The following GPC5 variants were observed in gnomAD, a reference collection of about 807,000 sequenced individuals.
GPC5 encodes the protein glypican-5.
Under a neutral mutation model 53.9 loss-of-function variants are expected in GPC5, and 47 were observed. That is an observed-to-expected ratio of 0.87 (90% CI 0.69 to 1.11). The LOEUF (loss-of-function observed/expected upper bound fraction) is 1.11, where lower values mean the gene tolerates loss of function less well. GPC5 is among the 50% of genes most tolerant of loss of function. The pLI is 0.00. For synonymous variants in GPC5, 286 were observed against 263.3 expected (o/e 1.09, Z -0.84); for missense variants, 748 against 713.1 (o/e 1.05, Z -0.56).
chr13:92,724,875 T>C (rs200372372), intron 7 of GPC5, among the ~76,000 whole-genome samples: 31 of 137,724 alleles, frequency 2.3e-4, no homozygotes, highest in African/African-American at 4.1e-4. Context: ...GTCCTACACA[T>C]ACACACACAC....
intron 6 of GPC5, among the ~76,000 whole-genome samples, chr13:91,926,324 G>C (rs2039767064): frequency 7.1e-6 from 1 of 141,822 alleles, no homozygotes; most frequent in African/African-American, 2.7e-5. Flanking sequence ...TCGCACCACT[G>C]TACTCCAGGC....
chr13:91,940,057 C>G (rs999983336), intron 6 of GPC5, among the ~76,000 whole-genome samples: 10 of 152,084 alleles, frequency 6.6e-5, no homozygotes, highest in African/African-American at 2.2e-4. Flanking sequence ...TCTCAACTCC[C>G]CTATTCTATT....
intron 5 of GPC5, among the ~76,000 whole-genome samples, chr13:91,869,250 G>C (rs1377629954): frequency 6.6e-6 from 1 of 151,968 alleles, no homozygotes; most frequent in African/African-American, 2.4e-5. Context: ...TACTAGAGAT[G>C]GGATTTCACC....
chr13:91,572,070 TACACAC>T (rs1213147909), intron 2 of GPC5, among the ~76,000 whole-genome samples: 1 of 144,288 alleles, frequency 6.9e-6, no homozygotes, highest in African/African-American at 2.6e-5. Context: ...TACATGTATA[TACACAC>T]ATATGTATAT....
At chr13:91,576,748 G>A (rs894998863) in intron 2 of GPC5, among the ~76,000 whole-genome samples, 2 of 152,156 alleles carry the variant, frequency 1.3e-5, no homozygotes, top group Admixed American at 6.6e-5. Flanking sequence ...ATATGGCTAA[G>A]TCAGAATATC....
chr13:92,525,437 A>AGTGTGTGTGTGTGTGTGTGTGT (rs34946580), intron 7 of GPC5, among the ~76,000 whole-genome samples: 114 of 136,672 alleles, frequency 8.3e-4, no homozygotes, highest in Non-Finnish European at 1.3e-3. Flanking sequence ...GATAGATTCA[A>AGTGTGTGTGTGTGTGTGTGTGT]GTGTGTGTGT....
chr13:92,605,796 C>T (rs987916323), intron 7 of GPC5, among the ~76,000 whole-genome samples: 73 of 148,730 alleles, frequency 4.9e-4, no homozygotes, highest in African/African-American at 1.7e-3. Context: ...GTTAGGACAC[C>T]AAGGGAAAAA....
chr13:92,437,491 A>G (rs1877356581), intron 7 of GPC5, among the ~76,000 whole-genome samples: 1 of 152,196 alleles, frequency 6.6e-6, no homozygotes, highest in African/African-American at 2.4e-5. Flanking sequence ...TACCTTAAGA[A>G]GAAAAAAATA....
chr13:92,811,558 C>T (rs1439895611), intron 7 of GPC5, among the ~76,000 whole-genome samples: 5 of 152,000 alleles, frequency 3.3e-5, no homozygotes, highest in Non-Finnish European at 7.4e-5. Context: ...TTTTCTTCCA[C>T]TCCATAGGTT....
At chr13:92,482,296 C>T (rs1427653890) in intron 7 of GPC5, among the ~76,000 whole-genome samples, 1 of 152,200 alleles carries the variant, frequency 6.6e-6, no homozygotes, top group Admixed American at 6.5e-5. Flanking sequence ...CTAACAACAT[C>T]TCTCTTTTGA....
chr13:91,844,891 A>G (rs1566299611), intron 5 of GPC5, among the ~76,000 whole-genome samples: 1 of 152,084 alleles, frequency 6.6e-6, no homozygotes, highest in Non-Finnish European at 1.5e-5. Context: ...ATGCCCAGCT[A>G]ATTTTGCTGT....
intron 7 of GPC5, among the ~76,000 whole-genome samples, chr13:92,665,165 T>TA (rs1172258410): frequency 6.6e-6 from 1 of 152,182 alleles, no homozygotes; most frequent in East Asian, 1.9e-4. Flanking sequence ...TCTTCTCATT[T>TA]ATTTTTTTCC....
chr13:92,752,271 A>T (rs190039945), intron 7 of GPC5, among the ~76,000 whole-genome samples: 2 of 152,268 alleles, frequency 1.3e-5, no homozygotes, highest in East Asian at 3.9e-4. Context: ...CAGTTTTGTG[A>T]CAATCCAAAG....
rs149380069 is a variant in GPC5 at position 92,556,989 on chromosome 13, C to T, written c.1562-309293C>T. 6.5e-3 allele frequency among the ~76,000 whole-genome samples: 978 copies of T among 151,620 alleles called. 10 individuals are homozygous for T. The highest frequency in any genetic ancestry group is 0.023 in the African/African-American group (933 of 41,364). On this transcript the variant is annotated intron_variant, in intron 7 of 7. Coordinates refer to ENST00000377067, the MANE Select transcript of GPC5 (RefSeq NM_004466.6). ...AAACAAGAGAGAAGGAAAGGAGAGA[C>T]ACAGGGAATGTTTTAATCTTTGCAA...
chr13:91,689,215 A>C (rs796829752), intron 2 of GPC5, among the ~76,000 whole-genome samples: 1 of 122,732 alleles, frequency 8.1e-6, no homozygotes, highest in South Asian at 2.7e-4. Context: ...ATATATATAT[A>C]TATATATATA....
At chr13:91,949,791 T>C (rs554288019) in intron 6 of GPC5, among the ~76,000 whole-genome samples, 1 of 149,642 alleles carries the variant, frequency 6.7e-6, no homozygotes, top group South Asian at 2.2e-4. Context: ...ACCTGCATTG[T>C]AAGCATTATA....
chr13:92,016,370 C>T (rs1536375), intron 6 of GPC5, among the ~76,000 whole-genome samples: 131,345 of 152,182 alleles, frequency 0.86, 56,813 homozygotes, highest in East Asian at 0.97. Context: ...GGAAGCTTTT[C>T]GGAATGAATC....
At chr13:91,713,003 A>G (rs377038442) in intron 3 of GPC5, among the ~76,000 whole-genome samples, 8 of 152,066 alleles carry the variant, frequency 5.3e-5, no homozygotes, top group African/African-American at 1.9e-4. Context: ...CCAGCCTGGG[A>G]AACATGGTGA....
intron 6 of GPC5, among the ~76,000 whole-genome samples, chr13:92,037,238 A>G (rs1370202588): frequency 1.3e-5 from 2 of 151,948 alleles, no homozygotes; most frequent in African/African-American, 4.8e-5. Flanking sequence ...CACCTTGCTT[A>G]CTTATTTACC....
Sources: allele counts gnomAD v4.1 joint callset (sites outside exome capture counted in the v4.1 genomes callset), GRCh38; gene constraint gnomAD v4.1.1; transcripts MANE v1.5; gene names NCBI Gene and HGNC (gene_info 2026-07-23, HGNC 2026-07-21).